The following WDR7 variants were observed in gnomAD, a reference collection of about 807,000 sequenced individuals.
WDR7 encodes the protein WD repeat domain 7, also known as WD repeat-containing protein 7.
A neutral mutation model predicts 169.4 loss-of-function variants in WDR7; 46 were observed. The ratio of observed to expected loss-of-function variants is 0.27; its 90% CI spans 0.21 to 0.35. The LOEUF (loss-of-function observed/expected upper bound fraction) is 0.35, where lower values mean the gene tolerates loss of function less well. Among genes scored for constraint, WDR7 ranks in the 10% least tolerant of loss-of-function variants. The pLI is 1.00. For synonymous variants in WDR7, 612 were observed against 666.8 expected, an observed-to-expected ratio of 0.92 and a Z score of 1.27; for missense variants, 1,534 against 1,859.3, an observed-to-expected ratio of 0.83 and a Z score of 3.22.
intron 1 of WDR7, among the ~76,000 whole-genome samples, chr18:56,669,552 T>C (rs543896945): frequency 9.2e-5 from 14 of 152,264 alleles, no homozygotes; most frequent in Admixed American, 9.2e-4. Context: ...ATTTTGTTTT[T>C]AGAAGCATCT....
At chr18:56,878,347 G>A (rs1180122246) in intron 20 of WDR7, among the ~76,000 whole-genome samples, 1 of 152,022 alleles carries the variant, frequency 6.6e-6, no homozygotes, top group Non-Finnish European at 1.5e-5. Flanking sequence ...CTCCTCGTAT[G>A]GCCCATCCCT....
At chr18:56,883,724 A>G (rs1019707840) in intron 21 of WDR7, among the ~76,000 whole-genome samples, 22 of 152,114 alleles carry the variant, frequency 1.4e-4, no homozygotes, top group Admixed American at 1.4e-3. Context: ...TTGAGACATC[A>G]TAGCTTAGTT....
chr18:56,936,025 ATAATT>A, intron 23 of WDR7, 120 bp downstream of exon 23: 6 of 921,422 alleles, frequency 6.5e-6, no homozygotes, highest in Non-Finnish European at 9.8e-6. Flanking sequence ...ATGCAAGTTA[ATAATT>A]TAGTACTGAA....
rs1391729132 is a variant in WDR7 at position 56,756,939 on chromosome 18, C to T, written c.2346C>T (p.Ser782=). Residue 782 remains serine, a synonymous_variant, in exon 15 of 28, where the codon TCC becomes TCT. Coordinates refer to ENST00000254442, the MANE Select transcript of WDR7 (RefSeq NM_015285.3). The stretch of plus-strand genomic sequence containing the variant: ...AAGAAAGTGATCCTGAATATCGGTC[C>T]AGCAAATCAAAGCCATTGACCCTAT... ...RREESDPEYR[S]SKSKPLTLLE... 7.4e-6 allele frequency: 12 copies of T among 1,613,962 alleles called. No homozygotes were observed. The highest frequency in any genetic ancestry group is 1.0e-5 in the Non-Finnish European group (12 of 1,180,018).
At chr18:56,972,257 GTTC>G (rs1416318991) in intron 26 of WDR7, among the ~76,000 whole-genome samples, 3 of 152,182 alleles carry the variant, frequency 2.0e-5, no homozygotes, top group African/African-American at 4.8e-5. Context: ...AAAGCAATGT[GTTC>G]TTCTCTCTAA....
chr18:56,861,195 A>G (rs2045799948), intron 20 of WDR7, among the ~76,000 whole-genome samples: 1 of 152,210 alleles, frequency 6.6e-6, no homozygotes, highest in Non-Finnish European at 1.5e-5. Flanking sequence ...CAATAGGCCA[A>G]TTGCAGCATA....
rs1599173663 is a variant in WDR7 at position 56,937,807 on chromosome 18, A to G, written c.3832-726A>G. Among the ~76,000 whole-genome samples, 6 of 152,294 alleles carry G rather than the reference A, an allele frequency of 3.9e-5. 1 individual carries two copies. Among genetic ancestry groups the G allele is most frequent in the Admixed American group, 3.9e-4 (6 of 15,298 alleles). On this transcript the variant is annotated intron_variant, in intron 23 of 27. Transcript: ENST00000254442. ...TAGCAGTCAAAAACCCACAAATAAT[A>G]TTTGACTGCTCCAAAACTTAACTAC...
chr18:56,686,809 T>C (rs2025452748), intron 6 of WDR7, 46 bp from the exon 7 acceptor site: 4 of 1,442,604 alleles, frequency 2.8e-6, no homozygotes, highest in East Asian at 2.3e-5. Flanking sequence ...ATAATTTTAA[T>C]TGACAATCAT....
rs2045328978 is a variant in WDR7, at chr18:56,832,473, C to CT, written c.3304+16329_3304+16330insT. Among the ~76,000 whole-genome samples the CT allele has an allele frequency of 2.0e-5, 3 of 152,240 alleles. No individual in the cohort carries two copies. The South Asian group carries it at 6.2e-4, about 31-fold the overall frequency. ...GAAGAGAGCAGCAGATCTCCCAGCA[C>CT]AGCGCTAGAGCTCTGCTAAGGGACA... On this transcript the variant is annotated intron_variant, in intron 20 of 27. Coordinates refer to ENST00000254442, the MANE Select transcript of WDR7 (RefSeq NM_015285.3).
intron 20 of WDR7, among the ~76,000 whole-genome samples, chr18:56,864,417 G>C (rs1240275073): frequency 2.0e-5 from 3 of 151,464 alleles, no homozygotes; most frequent in Non-Finnish European, 4.4e-5. Context: ...ATATATTTTT[G>C]TTTGAGCTTT....
At chr18:56,772,592 A>T (rs2044181667) in intron 16 of WDR7, among the ~76,000 whole-genome samples, 1 of 152,166 alleles carries the variant, frequency 6.6e-6, no homozygotes, top group Non-Finnish European at 1.5e-5. Flanking sequence ...AAGAAGTATG[A>T]TCTTAGTAAG....
chr18:56,882,917 A>G (rs536025639), intron 21 of WDR7, among the ~76,000 whole-genome samples: 5 of 152,312 alleles, frequency 3.3e-5, no homozygotes, highest in Middle Eastern at 6.8e-3. Flanking sequence ...CTTAGTACAA[A>G]TATCTGTATA....
intron 20 of WDR7, among the ~76,000 whole-genome samples, chr18:56,875,335 A>T (rs1238907661): frequency 6.6e-6 from 1 of 152,166 alleles, no homozygotes; most frequent in Non-Finnish European, 1.5e-5. Context: ...AACCAAATCC[A>T]CTGTAATCTC....
Position 56,656,524 on chromosome 18 carries a change from C to T in WDR7, c.-20+4948C>T, listed in dbSNP as rs1183856279. 2.0e-5 allele frequency among the ~76,000 whole-genome samples: 3 copies of T among 151,860 alleles called. No individual in the cohort carries two copies. In the East Asian group the frequency reaches 5.8e-4, roughly 29 times the overall value. The stretch of plus-strand genomic sequence containing the variant: ...CGAACTCCTGAGCTCAGGCAATCTG[C>T]CCGCCTCAGCCTCCCAAAGTGCTAG... On this transcript the variant is annotated intron_variant, in intron 1 of 27. Coordinates refer to ENST00000254442, the MANE Select transcript of WDR7 (RefSeq NM_015285.3).
intron 22 of WDR7, among the ~76,000 whole-genome samples, chr18:56,932,713 C>T (rs1203847630): frequency 6.6e-6 from 1 of 152,114 alleles, no homozygotes; most frequent in Non-Finnish European, 1.5e-5. Context: ...TTAATATACC[C>T]ATTTTACAGA....
chr18:56,929,605 T>C (rs2046853899), intron 22 of WDR7, among the ~76,000 whole-genome samples: 1 of 152,234 alleles, frequency 6.6e-6, no homozygotes, highest in Non-Finnish European at 1.5e-5. Flanking sequence ...TCAGGTTTCC[T>C]GACTCCCATC....
intron 19 of WDR7, among the ~76,000 whole-genome samples, chr18:56,802,636 G>A (rs1406262033): frequency 1.3e-5 from 2 of 151,440 alleles, no homozygotes; most frequent in African/African-American, 2.4e-5. Context: ...CCAAAGTGCT[G>A]GGATTACAGG....
chr18:56,858,844 C>T (rs1366261435), intron 20 of WDR7, among the ~76,000 whole-genome samples: 1 of 152,190 alleles, frequency 6.6e-6, no homozygotes, highest in Non-Finnish European at 1.5e-5. Flanking sequence ...AGCAAAATGA[C>T]AGAAGTCGTC....
At chr18:56,845,495 G>A (rs574660045) in intron 20 of WDR7, among the ~76,000 whole-genome samples, 3 of 151,906 alleles carry the variant, frequency 2.0e-5, no homozygotes, top group African/African-American at 7.3e-5. Flanking sequence ...TGTAGTTTAC[G>A]GGGAGTAGAA....
Sources: gnomAD v4.1 joint callset for allele counts (sites outside exome capture counted in the v4.1 genomes callset) on GRCh38, gnomAD v4.1.1 for gene constraint, MANE v1.5 for transcripts, NCBI Gene and HGNC (gene_info 2026-07-23, HGNC 2026-07-21) for gene names.